The following LYRM1 variants were observed in gnomAD, a reference collection of about 807,000 sequenced individuals.
LYRM1 encodes LYR motif containing 1.
LYRM1 carries 14 observed loss-of-function variants against 14.9 expected under a neutral mutation model. The ratio of observed to expected loss-of-function variants is 0.94; its 90% CI spans 0.62 to 1.47. The LOEUF is 1.47. Among genes scored for constraint, LYRM1 ranks in the 40% most tolerant of loss-of-function variants. LYRM1 has a pLI of 0.00. For missense variants in LYRM1, 153 were observed against 149.9 expected, an observed-to-expected ratio of 1.02 and a Z score of -0.11; for synonymous variants, 43 against 56.2, an observed-to-expected ratio of 0.77 and a Z score of 1.05.
chr16:20,914,094 C>T (rs1340430801), intron 1 of LYRM1, among the ~76,000 whole-genome samples: 1 of 152,088 alleles, frequency 6.6e-6, no homozygotes, highest in African/African-American at 2.4e-5. Flanking sequence ...AGGCATGAGC[C>T]ACTGCACCCG....
At position 20,913,861 on chromosome 16, in the gene LYRM1, T is replaced by A. The variant is rs536651823; in HGVS notation, c.1-1695T>A. Among the ~76,000 whole-genome samples, 66 of 151,590 alleles carry A rather than the reference T, an allele frequency of 4.4e-4. 1 individual carries two copies. Among genetic ancestry groups the A allele is most frequent in the Middle Eastern group, 3.4e-3 (1 of 294 alleles). On this transcript the variant is annotated intron_variant, in intron 1 of 3. Transcript: ENST00000567954. ...TCTCGCTCTGTCACCCAGGCTGGAG[T>A]GCAGTGGCCGGATCTCAGCTTACTG...
chr16:20,921,484 C>T (rs2083186149), intron 3 of LYRM1: 1 of 152,068 alleles, frequency 6.6e-6, no homozygotes, highest in African/African-American at 2.4e-5. Context: ...ACTACAACCT[C>T]TGCCTTCCCA....
intron 3 of LYRM1, among the ~76,000 whole-genome samples, 160 bp from the exon 4 acceptor site, chr16:20,923,840 C>T (rs2083330573): frequency 6.6e-6 from 1 of 152,106 alleles, no homozygotes; most frequent in African/African-American, 2.4e-5. Flanking sequence ...ATAATAATCC[C>T]TTATGAGGTT....
intron 1 of LYRM1, among the ~76,000 whole-genome samples, chr16:20,908,199 G>T (rs778269226): frequency 3.9e-5 from 6 of 152,228 alleles, no homozygotes; most frequent in Non-Finnish European, 5.9e-5. Flanking sequence ...GAGCATGCTG[G>T]TGTGTAACAT....
chr16:20,917,427 A>G (rs1237293826), intron 2 of LYRM1, among the ~76,000 whole-genome samples: 1 of 152,028 alleles, frequency 6.6e-6, no homozygotes, highest in East Asian at 1.9e-4. Flanking sequence ...ATATAAATAC[A>G]TATATGGGGC....
At chr16:20,920,031 T>G in intron 2 of LYRM1, 91 bp from the exon 3 acceptor site, 2 of 694,406 alleles carry the variant, frequency 2.9e-6, no homozygotes. Context: ...TACTGGCTAG[T>G]GAACTAAAAA....
chr16:20,917,271 TAAAC>T, intron 2 of LYRM1, among the ~76,000 whole-genome samples: 1 of 152,298 alleles, frequency 6.6e-6, no homozygotes, highest in African/African-American at 2.4e-5. Context: ...ATGAGGTCCT[TAAAC>T]AATCCTCTAA....
At chr16:20,912,915 A>C (rs976771158) in intron 1 of LYRM1, among the ~76,000 whole-genome samples, 1 of 151,704 alleles carries the variant, frequency 6.6e-6, no homozygotes, top group East Asian at 1.9e-4. Flanking sequence ...AAAAATACGA[A>C]ATTAGCCAGG....
chr16:20,912,561 G>A (rs149513739), intron 1 of LYRM1, among the ~76,000 whole-genome samples: 301 of 152,008 alleles, frequency 2.0e-3, no homozygotes, highest in Non-Finnish European at 3.4e-3. Flanking sequence ...ATGAGCCACC[G>A]CGCCCAGCCG....
At chr16:20,913,005 G>T (rs569624521) in intron 1 of LYRM1, among the ~76,000 whole-genome samples, 286 of 151,916 alleles carry the variant, frequency 1.9e-3, no homozygotes, top group African/African-American at 6.7e-3. Flanking sequence ...GGCGGAGGTT[G>T]CAGTGAGCCG....
chr16:20,921,832 G>A (rs1387952423), intron 3 of LYRM1: 1 of 151,986 alleles, frequency 6.6e-6, no homozygotes, highest in African/African-American at 2.4e-5. Flanking sequence ...ATATTGTAGT[G>A]GCTCAACCTA....
At chr16:20,916,168 T>C (rs1351647573) in intron 2 of LYRM1, among the ~76,000 whole-genome samples, 1 of 152,158 alleles carries the variant, frequency 6.6e-6, no homozygotes, top group Non-Finnish European at 1.5e-5. Context: ...ACACAGGGTT[T>C]CCTTCATAAC....
At chr16:20,904,427 G>A (rs1369969656) in intron 1 of LYRM1, among the ~76,000 whole-genome samples, 1 of 151,988 alleles carries the variant, frequency 6.6e-6, no homozygotes, top group Non-Finnish European at 1.5e-5. Context: ...ATATTACAGG[G>A]CCTAAACTAA....
rs911337741 is a variant in LYRM1, at chr16:20,918,852, T to A, written c.160-1270T>A. ...CTGAGAAGCACAGAGGTCAGAAAGTTGGGCCTCTGCCACAAGGGACTCACA... is the reference window on the plus strand; with the variant it reads ...CTGAGAAGCACAGAGGTCAGAAAGTAGGGCCTCTGCCACAAGGGACTCACA... On this transcript the variant is annotated intron_variant, in intron 2 of 3. Transcript: ENST00000567954. 2.0e-5 allele frequency among the ~76,000 whole-genome samples: 3 copies of A among 152,336 alleles called. No homozygotes were observed. In the East Asian group the frequency reaches 5.8e-4, roughly 29 times the overall value.
chr16:20,907,792 G>A (rs2082394443), intron 1 of LYRM1, among the ~76,000 whole-genome samples: 1 of 152,034 alleles, frequency 6.6e-6, no homozygotes, highest in Non-Finnish European at 1.5e-5. Flanking sequence ...CAGCTCAAAT[G>A]TCACTGACCA....
At chr16:20,904,305 G>A (rs1455138298) in intron 1 of LYRM1, among the ~76,000 whole-genome samples, 1 of 152,150 alleles carries the variant, frequency 6.6e-6, no homozygotes, top group Non-Finnish European at 1.5e-5. Context: ...TCCGGTGCTG[G>A]TATGATATAT....
chr16:20,904,599 G>A (rs948370976), intron 1 of LYRM1, among the ~76,000 whole-genome samples: 6 of 152,002 alleles, frequency 3.9e-5, no homozygotes, highest in Non-Finnish European at 2.9e-5. Flanking sequence ...CCTGAAATTT[G>A]CAAAACAGTG....
At position 20,924,354 on chromosome 16, in the gene LYRM1, T is replaced by A. The variant is rs1298873264; in HGVS notation, c.*238T>A. 1 of 378,142 alleles carries A rather than the reference T, an allele frequency of 2.6e-6. No homozygotes were observed. Among genetic ancestry groups the A allele is most frequent in the African/African-American group, 2.1e-5 (1 of 48,588 alleles). The allele number at this position is 378,142 out of a possible 1,614,324, so 23.4% of individuals were successfully genotyped here. On this transcript the variant is annotated 3_prime_UTR_variant, in exon 4 of 4. Coordinates refer to ENST00000567954, the MANE Select transcript of LYRM1 (RefSeq NM_001128302.3). ...ACCTTACATCCTCACTGCAGTCACC[T>A]TTGGAAACAAGACCGAGGCCTGTAG... is the stretch of plus-strand genomic sequence containing the variant.
rs543933607 is a variant in LYRM1, at chr16:20,924,369, G to A, written c.*253G>A. 3.3e-5 allele frequency: 11 copies of A among 335,078 alleles called. No individual in the cohort carries two copies. The highest frequency in any genetic ancestry group is 5.7e-5 in the East Asian group (1 of 17,546). 20.8% of individuals were successfully genotyped at this position (335,078 alleles called of 1,614,324 possible). A position where few individuals can be genotyped will look rare whatever the true frequency, so the allele number is the denominator to read the frequency against. On this transcript the variant is annotated 3_prime_UTR_variant, in exon 4 of 4. Transcript: ENST00000567954. ...TGCAGTCACCTTTGGAAACAAGACC[G>A]AGGCCTGTAGAAGGAAAGCGGAAGG...
Sources: gnomAD v4.1 joint callset for allele counts (sites outside exome capture counted in the v4.1 genomes callset) on GRCh38, gnomAD v4.1.1 for gene constraint, MANE v1.5 for transcripts, NCBI Gene and HGNC (gene_info 2026-07-23, HGNC 2026-07-21) for gene names.